BCKDHA: variants seen among roughly 807,000 people sequenced by gnomAD.
The protein encoded by BCKDHA is 2-oxoisovalerate dehydrogenase subunit alpha, mitochondrial.
Under a neutral mutation model 52.2 loss-of-function variants are expected in BCKDHA, and 43 were observed. That is an observed-to-expected ratio of 0.82 (90% CI 0.64 to 1.06). BCKDHA has a LOEUF of 1.06. BCKDHA is among the 50% of genes least tolerant of loss of function. The probability of loss-of-function intolerance (pLI) is 0.00; values close to 1 mark genes in which losing one functional copy is unlikely to be tolerated. For missense variants in BCKDHA, 527 were observed against 621.3 expected (o/e 0.85, Z 1.61); for synonymous variants, 234 against 247.9 (o/e 0.94, Z 0.53).
At chr19:41,409,589 T>A (rs531850966) in intron 1 of BCKDHA, among the ~76,000 whole-genome samples, 1 of 151,954 alleles carries the variant, frequency 6.6e-6, no homozygotes, top group Admixed American at 6.6e-5. Context: ...GAGACCTTCT[T>A]GTAAAGCAAG....
At chr19:41,408,365 C>T (rs781319197) in intron 1 of BCKDHA, among the ~76,000 whole-genome samples, 3 of 151,896 alleles carry the variant, frequency 2.0e-5, no homozygotes, top group Non-Finnish European at 4.4e-5. Context: ...TAATCAACCT[C>T]ACAAATTCCC....
intron 7 of BCKDHA, 90 bp from the exon 8 acceptor site, chr19:41,422,908 C>G: frequency 6.4e-7 from 1 of 1,571,256 alleles, no homozygotes; most frequent in Non-Finnish European, 8.6e-7. Context: ...TCCGTTTCCA[C>G]TCCTCCTTCC....
Position 41,414,057 on chromosome 19 carries a change from C to A in BCKDHA, c.384C>A (p.Ile128=), listed in dbSNP as rs1370342802. Residue 128 remains isoleucine (I), a synonymous_variant, in exon 4 of 9, where the codon ATC becomes ATA. Coordinates refer to ENST00000269980, the MANE Select transcript of BCKDHA (RefSeq NM_000709.4). ...ILYESQRQGR[I]SFYMTNYGEE... ...CCCCTCTACACCCCCAGGGCCGGATCTCCTTCTACATGACCAACTATGGTG... is the reference window on the plus strand; with the variant it reads ...CCCCTCTACACCCCCAGGGCCGGATATCCTTCTACATGACCAACTATGGTG... 6.2e-7 allele frequency: 1 copy of A among 1,613,718 alleles called. No homozygotes were observed. The highest frequency in any genetic ancestry group is 1.7e-5 in the Admixed American group (1 of 60,020).
chr19:41,418,829 C>T (rs1216241913), intron 4 of BCKDHA: 1 of 429,066 alleles, frequency 2.3e-6, no homozygotes, highest in Non-Finnish European at 4.5e-6. Context: ...CATGAACCAC[C>T]ATGCCTGGCC....
chr19:41,418,862 A>G (rs553684564), intron 4 of BCKDHA: 2 of 464,378 alleles, frequency 4.3e-6, no homozygotes, highest in East Asian at 4.5e-5. Flanking sequence ...TATGGTTAGA[A>G]TATTTCTTAA....
rs951645931 is a variant in BCKDHA at position 41,424,771 on chromosome 19, C to G, written c.*163C>G. 4 of 730,740 alleles carry G rather than the reference C, an allele frequency of 5.5e-6. No individual in the cohort carries two copies. The highest frequency in any genetic ancestry group is 1.8e-5 in the African/African-American group (1 of 56,074). The allele number at this position is 730,740 out of a possible 1,614,324, so 45.3% of individuals were successfully genotyped here. A position where few individuals can be genotyped will look rare whatever the true frequency, so the allele number is the denominator to read the frequency against. ...TGCCACTCTTCACCCCTGCTCCTCC[C>G]GGCTGTTACATTGTCAGGGGACAGC... On this transcript the variant is annotated 3_prime_UTR_variant, in exon 9 of 9. Coordinates refer to ENST00000269980, the MANE Select transcript of BCKDHA (RefSeq NM_000709.4).
intron 7 of BCKDHA, 51 bp from the exon 8 acceptor site, chr19:41,422,947 C>T (rs1449257321): frequency 6.6e-7 from 1 of 1,526,066 alleles, no homozygotes; most frequent in Non-Finnish European, 8.7e-7. Context: ...TCCCTCCTGA[C>T]CCCCACTCCA....
At position 41,411,672 on chromosome 19, in the gene BCKDHA, G is replaced by A. The variant is rs188017470; in HGVS notation, c.375+663G>A. On this transcript the variant is annotated intron_variant, in intron 3 of 8. Transcript: ENST00000269980. ...CTAGCTGCAGGGGAGACTGAGAAAT[G>A]TATTAATAATACTTTAGTCCCGGCA... 1.8e-4 allele frequency among the ~76,000 whole-genome samples: 28 copies of A among 152,308 alleles called. No homozygotes were observed. The Middle Eastern group carries it at 0.014, about 74-fold the overall frequency.
At chr19:41,406,295 T>C (rs2039192059) in intron 1 of BCKDHA, among the ~76,000 whole-genome samples, 1 of 152,188 alleles carries the variant, frequency 6.6e-6, no homozygotes. Flanking sequence ...GCCTCCCCTC[T>C]TAGTGCCCGT....
chr19:41,400,255 T>C (rs2123236983), intron 1 of BCKDHA: 1 of 151,810 alleles, frequency 6.6e-6, no homozygotes, highest in East Asian at 1.9e-4. Flanking sequence ...TTTTTTTTTT[T>C]TTGAGACGGA....
At position 41,397,894 on chromosome 19, in the gene BCKDHA, C is replaced by T; in HGVS notation, c.67C>T (p.Leu23=). The T allele has an allele frequency of 6.2e-7, 1 of 1,614,136 alleles. No homozygotes were observed. Among genetic ancestry groups the T allele is most frequent in the Non-Finnish European group, 8.5e-7 (1 of 1,180,030 alleles). Residue 23 remains leucine (L), a synonymous_variant, in exon 1 of 9, where the codon CTG becomes TTG. Transcript: ENST00000269980. ...LNRGLSQAAL[L]LLRQPGARGL... ...CCGTGGTTTGAGCCAGGCTGCCCTC[C>T]TGCTGCTGCGGCAGCCTGGGGCTCG...
chr19:41,417,227 G>T (rs2039315773), intron 4 of BCKDHA, among the ~76,000 whole-genome samples: 1 of 151,934 alleles, frequency 6.6e-6, no homozygotes, highest in African/African-American at 2.4e-5. Flanking sequence ...TGTTGCCCAG[G>T]CTGGTCTCAA....
At chr19:41,413,982 T>G (rs2039282312) in intron 3 of BCKDHA, 67 bp from the exon 4 acceptor site, 3 of 1,359,606 alleles carry the variant, frequency 2.2e-6, no homozygotes, top group Non-Finnish European at 3.2e-6. Flanking sequence ...TGGGCAGGAT[T>G]TGGATGGCTC....
rs771396248 is a variant in BCKDHA, at chr19:41,424,590, G to A, written c.1320G>A (p.Leu440=). The A allele has an allele frequency of 1.9e-5, 31 of 1,607,914 alleles. No homozygotes were observed. In the Admixed American group the frequency reaches 4.9e-4, roughly 25 times the overall value. Residue 440 remains leucine (L), a synonymous_variant, in exon 9 of 9, where the codon CTG becomes CTA. Transcript: ENST00000269980. ...AGACCTACGGGGAGCACTACCCACT[G>A]GATCACTTCGATAAGTGAGACCTGC... ...HLQTYGEHYP[L]DHFDK
chr19:41,417,160 C>T (rs947798744), intron 4 of BCKDHA, among the ~76,000 whole-genome samples: 2 of 151,734 alleles, frequency 1.3e-5, no homozygotes, highest in South Asian at 2.1e-4. Context: ...CACAGGTGCA[C>T]GCCACCACAC....
intron 5 of BCKDHA, among the ~76,000 whole-genome samples, chr19:41,420,760 C>A (rs2039355716): frequency 6.6e-6 from 1 of 152,190 alleles, no homozygotes; most frequent in Non-Finnish European, 1.5e-5. Context: ...GTAAGCTTCC[C>A]CAAAGCTTAC....
rs775651033 is a variant in BCKDHA at position 41,419,122 on chromosome 19, C to G, written c.485-13C>G. 15 of 1,613,932 alleles carry G rather than the reference C, an allele frequency of 9.3e-6. No individual in the cohort carries two copies. In the South Asian group the frequency reaches 1.5e-4, roughly 17 times the overall value. On this transcript the variant is annotated splice_polypyrimidine_tract_variant and intron_variant, in intron 4 of 8. Transcript: ENST00000269980. ...CTGCCCACTCGGCTAACCATTGCCT[C>G]CTCCCCTCCTAGGTGTGCTGATGTA...
chr19:41,405,456 T>C (rs759986962), intron 1 of BCKDHA, among the ~76,000 whole-genome samples: 1 of 151,966 alleles, frequency 6.6e-6, no homozygotes, highest in African/African-American at 2.4e-5. Flanking sequence ...CCAGCTAATT[T>C]TTTGTAGGGA....
At chr19:41,401,996 TCA>T (rs1420789214) in intron 1 of BCKDHA, among the ~76,000 whole-genome samples, 1 of 152,180 alleles carries the variant, frequency 6.6e-6, no homozygotes, top group Non-Finnish European at 1.5e-5. Context: ...CTTAATGGAC[TCA>T]CAGTTCCACA....
Sources: gnomAD v4.1 joint callset for allele counts (sites outside exome capture counted in the v4.1 genomes callset) on GRCh38, gnomAD v4.1.1 for gene constraint, MANE v1.5 for transcripts, NCBI Gene and HGNC (gene_info 2026-07-23, HGNC 2026-07-21) for gene names.